The following SMAD2 variants were observed in gnomAD, a reference collection of about 807,000 sequenced individuals.
SMAD2 encodes MAD homolog 2.
A neutral mutation model predicts 64.4 loss-of-function variants in SMAD2; 8 were observed. That is an observed-to-expected ratio of 0.12 (90% confidence interval 0.07 to 0.22). SMAD2 has a LOEUF of 0.22. Ranked by LOEUF, SMAD2 falls within the 10% of genes least tolerant of loss-of-function variation. The pLI is 1.00. For missense variants in SMAD2, 289 were observed against 561.2 expected, an observed-to-expected ratio of 0.51 and a Z score of 4.90; for synonymous variants, 203 against 195.8, an observed-to-expected ratio of 1.04 and a Z score of -0.31.
chr18:47,866,959 C>T (rs1487185936), intron 5 of SMAD2: 1 of 152,146 alleles, frequency 6.6e-6, no homozygotes, highest in African/African-American at 2.4e-5. Flanking sequence ...ACTGGATATG[C>T]GTGTTGTCCC....
intron 2 of SMAD2, among the ~76,000 whole-genome samples, chr18:47,879,051 T>C (rs528990465): frequency 3.9e-4 from 59 of 152,242 alleles, no homozygotes; most frequent in African/African-American, 1.4e-3. Context: ...TTGAGCCCAG[T>C]AGGTGGAGGC....
chr18:47,816,630 G>A lies in SMAD2; in HGVS notation c.*25197C>T, dbSNP rs1912377258. On this transcript the variant is annotated 3_prime_UTR_variant, in exon 11 of 11. Transcript: ENST00000262160. ...GCCACTGCCTGTCCAACTTCAGAGT[G>A]GCACCACCCTTGCTATTGATCTTTG... 1 of 152,116 alleles carries A rather than the reference G, an allele frequency of 6.6e-6. No homozygotes were observed. The highest frequency in any genetic ancestry group is 1.5e-5 in the Non-Finnish European group (1 of 68,032). The allele number at this position is 152,116 out of a possible 1,614,324, so 9.4% of individuals were successfully genotyped here. A position where few individuals can be genotyped will look rare whatever the true frequency, so the allele number is the denominator to read the frequency against.
At chr18:47,907,603 T>C (rs1029360989) in intron 1 of SMAD2, among the ~76,000 whole-genome samples, 2 of 152,192 alleles carry the variant, frequency 1.3e-5, no homozygotes, top group African/African-American at 4.8e-5. Context: ...CACTGTTGAA[T>C]TCCTGAATGT....
chr18:47,851,153 A>T, intron 7 of SMAD2, 121 bp downstream of exon 7: 1 of 716,756 alleles, frequency 1.4e-6, no homozygotes, highest in South Asian at 1.6e-5. Flanking sequence ...ATACATAATT[A>T]TTTGGCTATT....
At chr18:47,912,955 T>C (rs1657447124) in intron 1 of SMAD2, among the ~76,000 whole-genome samples, 1 of 151,688 alleles carries the variant, frequency 6.6e-6, no homozygotes, top group Admixed American at 6.6e-5. Flanking sequence ...GTTTCACTCT[T>C]GTTGCCCAGG....
At chr18:47,923,402 T>C (rs1490701350) in intron 1 of SMAD2, among the ~76,000 whole-genome samples, 1 of 152,204 alleles carries the variant, frequency 6.6e-6, no homozygotes, top group African/African-American at 2.4e-5. Flanking sequence ...AACACAACTT[T>C]ATACAATGAT....
chr18:47,901,951 C>T (rs1036458450), intron 1 of SMAD2, among the ~76,000 whole-genome samples: 1 of 152,220 alleles, frequency 6.6e-6, no homozygotes, highest in South Asian at 2.1e-4. Context: ...CTTCCTCAAA[C>T]GCTTTCAACT....
At chr18:47,881,966 T>G (rs191955875) in intron 2 of SMAD2, among the ~76,000 whole-genome samples, 4 of 150,750 alleles carry the variant, frequency 2.7e-5, no homozygotes, top group East Asian at 2.0e-4. Flanking sequence ...CAGGTTCAAC[T>G]TCCTGGGTCC....
At chr18:47,870,946 G>A (rs532059400) in intron 2 of SMAD2, among the ~76,000 whole-genome samples, 73 of 152,206 alleles carry the variant, frequency 4.8e-4, no homozygotes, top group Non-Finnish European at 8.7e-4. Flanking sequence ...AAAAACAGAT[G>A]TCAACTGATT....
intron 2 of SMAD2, among the ~76,000 whole-genome samples, chr18:47,892,119 A>G (rs907005765): frequency 2.0e-5 from 3 of 152,186 alleles, no homozygotes; most frequent in Non-Finnish European, 2.9e-5. Context: ...TGCTTCTTAA[A>G]TATGATTATG....
intron 5 of SMAD2, among the ~76,000 whole-genome samples, chr18:47,867,920 A>C (rs976571815): frequency 1.3e-5 from 2 of 152,180 alleles, no homozygotes; most frequent in African/African-American, 4.8e-5. Flanking sequence ...AAATATTACC[A>C]AGTTATCTAA....
At chr18:47,877,142 C>T in intron 2 of SMAD2, among the ~76,000 whole-genome samples, 1 of 151,584 alleles carries the variant, frequency 6.6e-6, no homozygotes, top group South Asian at 2.1e-4. Context: ...TTTTCATGAT[C>T]TTCTTGCCTA....
In SMAD2 at chr18:47,815,337, G is replaced by A. The variant is rs1443199681; in HGVS notation, c.*26490C>T. ...AGGAACTGTAACTTCTTTTCTGCAT[G>A]ATCTGAGTTTTAATGTGTGGGAGCT... On this transcript the variant is annotated 3_prime_UTR_variant, in exon 11 of 11. Transcript: ENST00000262160. The A allele has an allele frequency of 6.6e-6, 1 of 152,234 alleles. No homozygotes were observed. The highest frequency in any genetic ancestry group is 1.5e-5 in the Non-Finnish European group (1 of 68,042). 9.4% of individuals were successfully genotyped at this position (152,234 alleles called of 1,614,324 possible).
In SMAD2 at chr18:47,845,488, T is replaced by C. The variant is rs770706160; in HGVS notation, c.1136-4A>G. The stretch of plus-strand genomic sequence containing the variant: ...TTGAAGATCTTCAGATTACAGCCTA[T>C]GATTAAAAAAGGTAAAAGAAATTGT... On this transcript the variant is annotated splice_region_variant and splice_polypyrimidine_tract_variant and intron_variant, in intron 9 of 10. Coordinates refer to ENST00000262160, the MANE Select transcript of SMAD2 (RefSeq NM_005901.6). 2.5e-6 allele frequency: 4 copies of C among 1,612,664 alleles called. No individual in the cohort carries two copies. The highest frequency in any genetic ancestry group is 3.4e-6 in the Non-Finnish European group (4 of 1,178,790).
chr18:47,834,241 T>C lies in SMAD2; in HGVS notation c.*7586A>G. On this transcript the variant is annotated 3_prime_UTR_variant, in exon 11 of 11. Coordinates refer to ENST00000262160, the MANE Select transcript of SMAD2 (RefSeq NM_005901.6). ...GGTGGTCAGCTCCTTCTGGTGTGCC[T>C]GGGACTTGTTTTGAGTTTAGCAAAA... is the stretch of plus-strand genomic sequence containing the variant. 2 of 210,652 alleles carry C rather than the reference T, an allele frequency of 9.5e-6. No individual in the cohort carries two copies. The highest frequency in any genetic ancestry group is 1.9e-5 in the Non-Finnish European group (2 of 103,838). The allele number at this position is 210,652 out of a possible 1,614,324, so 13.0% of individuals were successfully genotyped here. A position where few individuals can be genotyped will look rare whatever the true frequency, so the allele number is the denominator to read the frequency against.
At chr18:47,881,955 G>A (rs2032617610) in intron 2 of SMAD2, among the ~76,000 whole-genome samples, 1 of 150,624 alleles carries the variant, frequency 6.6e-6, no homozygotes, top group African/African-American at 2.4e-5. Context: ...ACTGCTCACT[G>A]CAGGTTCAAC....
rs970018163 is a variant in SMAD2 at position 47,840,570 on chromosome 18, A to T, written c.*1257T>A. 2 of 232,102 alleles carry T rather than the reference A, an allele frequency of 8.6e-6. No homozygotes were observed. Among genetic ancestry groups the T allele is most frequent in the Non-Finnish European group, 1.7e-5 (2 of 117,386 alleles). The allele number at this position is 232,102 out of a possible 1,614,324, so 14.4% of individuals were successfully genotyped here. Reference sequence around the variant, plus strand: ...TGAATTCATAATTATGTGTAGAATAACAATCAATTTATAAACTGAATACAA... The same window carrying T: ...TGAATTCATAATTATGTGTAGAATATCAATCAATTTATAAACTGAATACAA... On this transcript the variant is annotated 3_prime_UTR_variant, in exon 11 of 11. Transcript: ENST00000262160.
rs756980163 is a variant in SMAD2 at position 47,835,851 on chromosome 18, T to A, written c.*5976A>T. On this transcript the variant is annotated 3_prime_UTR_variant, in exon 11 of 11. Coordinates refer to ENST00000262160, the MANE Select transcript of SMAD2 (RefSeq NM_005901.6). ...AAAATAAGTAAATCAAAGAGCATAT[T>A]TGGAGAAACTAAGAGCTGTTAACTG... The A allele has an allele frequency of 5.0e-6, 1 of 200,804 alleles. No individual in the cohort carries two copies. The highest frequency in any genetic ancestry group is 7.7e-5 in the East Asian group (1 of 13,024). The allele number at this position is 200,804 out of a possible 1,614,324, so 12.4% of individuals were successfully genotyped here.
chr18:47,914,673 C>G (rs200451316), intron 1 of SMAD2, among the ~76,000 whole-genome samples: 1 of 151,506 alleles, frequency 6.6e-6, no homozygotes, highest in Middle Eastern at 3.2e-3. Context: ...CAAATTCCTA[C>G]TAAAGGTCTG....
Sources: allele counts gnomAD v4.1 joint callset (sites outside exome capture counted in the v4.1 genomes callset), GRCh38; gene constraint gnomAD v4.1.1; transcripts MANE v1.5; gene names NCBI Gene and HGNC (gene_info 2026-07-23, HGNC 2026-07-21).